Variants in NAALADL2 observed in about 807,000 individuals in gnomAD.
NAALADL2 encodes the protein inactive N-acetylated-alpha-linked acidic dipeptidase-like protein 2.
NAALADL2 carries 76 observed loss-of-function variants against 87.2 expected under a neutral mutation model. That is an observed-to-expected ratio of 0.87 (90% CI 0.72 to 1.05). The LOEUF (loss-of-function observed/expected upper bound fraction) is 1.05, where lower values mean the gene tolerates loss of function less well. NAALADL2 is among the 50% of genes least tolerant of loss of function. The pLI is 0.00. For synonymous variants in NAALADL2, 354 were observed against 331.0 expected, an observed-to-expected ratio of 1.07 and a Z score of -0.75; for missense variants, 1,089 against 945.8, an observed-to-expected ratio of 1.15 and a Z score of -1.99.
At chr3:174,635,863 C>T (rs574320034) in intron 2 of NAALADL2, among the ~76,000 whole-genome samples, 62 of 152,086 alleles carry the variant, frequency 4.1e-4, no homozygotes, top group Non-Finnish European at 7.5e-4. Flanking sequence ...TTTAGGAAGT[C>T]TTTACCTATT....
chr3:174,641,902 A>G (rs1723229797), intron 2 of NAALADL2, among the ~76,000 whole-genome samples: 1 of 152,108 alleles, frequency 6.6e-6, no homozygotes, highest in South Asian at 2.1e-4. Flanking sequence ...GACCACAAGC[A>G]TGGGCCACTA....
chr3:175,135,793 A>G (rs1244145470), intron 2 of NAALADL2, among the ~76,000 whole-genome samples: 3 of 152,212 alleles, frequency 2.0e-5, no homozygotes, highest in Non-Finnish European at 4.4e-5. Flanking sequence ...TAAAATAAGT[A>G]TGTATTTAAG....
At chr3:175,261,580 T>A (rs1057066702) in intron 4 of NAALADL2, among the ~76,000 whole-genome samples, 7 of 152,140 alleles carry the variant, frequency 4.6e-5, no homozygotes, top group Admixed American at 6.5e-5. Context: ...TGCTTTTTTT[T>A]ATAAATGCAG....
chr3:175,415,893 T>C (rs1420123752), intron 5 of NAALADL2, among the ~76,000 whole-genome samples: 2 of 150,944 alleles, frequency 1.3e-5, no homozygotes, highest in Non-Finnish European at 2.9e-5. Flanking sequence ...ATGGGAGGAT[T>C]GCTTGAGCCC....
At chr3:175,076,996 T>G (rs1199972568) in intron 1 of NAALADL2, among the ~76,000 whole-genome samples, 1 of 152,186 alleles carries the variant, frequency 6.6e-6, no homozygotes, top group Non-Finnish European at 1.5e-5. Context: ...TTAAGTGCAG[T>G]GACTTAGACT....
rs1767935796 is a variant in NAALADL2, at chr3:175,382,756, C to G, written c.1090+58431C>G. 2.0e-5 allele frequency among the ~76,000 whole-genome samples: 3 copies of G among 151,452 alleles called. No individual in the cohort carries two copies. The South Asian group carries it at 6.2e-4, about 32-fold the overall frequency. Reference sequence around the variant, plus strand: ...ATTATCTGTCCTTTGTATTATAGCCCTCTAGGGAGAGATAATTTAAGAAGT... The same window carrying G: ...ATTATCTGTCCTTTGTATTATAGCCGTCTAGGGAGAGATAATTTAAGAAGT... On this transcript the variant is annotated intron_variant, in intron 5 of 13. Transcript: ENST00000454872.
At chr3:175,338,017 C>A (rs1156336635) in intron 5 of NAALADL2, among the ~76,000 whole-genome samples, 1 of 152,018 alleles carries the variant, frequency 6.6e-6, no homozygotes. Flanking sequence ...CTTCACAGAA[C>A]AAACTGAACT....
chr3:175,406,710 C>T (rs113388324), intron 5 of NAALADL2, among the ~76,000 whole-genome samples: 60 of 152,130 alleles, frequency 3.9e-4, no homozygotes, highest in Middle Eastern at 3.4e-3. Flanking sequence ...TCAAACCTTT[C>T]CTTGTGTGCC....
chr3:174,455,225 A>G (rs1317773465), intron 1 of NAALADL2, among the ~76,000 whole-genome samples: 1 of 152,130 alleles, frequency 6.6e-6, no homozygotes, highest in Non-Finnish European at 1.5e-5. Flanking sequence ...CTGAAAGTGT[A>G]TCAGTAATAA....
intron 1 of NAALADL2, among the ~76,000 whole-genome samples, chr3:174,994,881 A>G (rs73881588): frequency 0.044 from 6,648 of 152,242 alleles, 483 homozygotes; most frequent in African/African-American, 0.15. Flanking sequence ...AAGTTGGTCA[A>G]CTGCTCTCTT....
At chr3:175,442,911 T>A (rs993039541) in intron 5 of NAALADL2, among the ~76,000 whole-genome samples, 9 of 152,224 alleles carry the variant, frequency 5.9e-5, no homozygotes, top group African/African-American at 2.2e-4. Context: ...TCGAGGCACA[T>A]AATCCATTTA....
intron 3 of NAALADL2, among the ~76,000 whole-genome samples, chr3:174,793,815 T>TC (rs1163671606): frequency 3.9e-5 from 6 of 152,032 alleles, no homozygotes; most frequent in Non-Finnish European, 8.8e-5. Flanking sequence ...TTCTTTTTTT[T>TC]TTTTCTTTTC....
At chr3:175,006,012 T>TA (rs1292955986) in intron 1 of NAALADL2, among the ~76,000 whole-genome samples, 1 of 152,218 alleles carries the variant, frequency 6.6e-6, no homozygotes, top group Non-Finnish European at 1.5e-5. Flanking sequence ...ATGTGCGCGG[T>TA]AACAGCCTTA....
chr3:174,938,478 A>G (rs147323870), intron 1 of NAALADL2, among the ~76,000 whole-genome samples: 22 of 152,232 alleles, frequency 1.4e-4, no homozygotes, highest in Non-Finnish European at 2.1e-4. Context: ...TAGTGCTGCA[A>G]TGAACATTCG....
chr3:175,623,640 C>T (rs553568256), intron 10 of NAALADL2, among the ~76,000 whole-genome samples: 6 of 151,996 alleles, frequency 3.9e-5, no homozygotes, highest in Non-Finnish European at 7.4e-5. Flanking sequence ...AGGAGGTGGT[C>T]ATGTGAAGAA....
At chr3:174,671,924 C>G (rs1726573705) in intron 2 of NAALADL2, among the ~76,000 whole-genome samples, 2 of 96,870 alleles carry the variant, frequency 2.1e-5, no homozygotes, top group Non-Finnish European at 4.7e-5. Flanking sequence ...TAAATGTTAA[C>G]TACTGTGATG....
At chr3:174,692,629 T>A (rs116114234) in intron 2 of NAALADL2, among the ~76,000 whole-genome samples, 1 of 152,150 alleles carries the variant, frequency 6.6e-6, no homozygotes, top group African/African-American at 2.4e-5. Flanking sequence ...ATACTAAGGG[T>A]ACCACCAAAA....
At chr3:174,808,423 T>C (rs1719752081) in intron 3 of NAALADL2, among the ~76,000 whole-genome samples, 1 of 152,118 alleles carries the variant, frequency 6.6e-6, no homozygotes. Context: ...CATTTTCTCA[T>C]GAACTTTGAA....
intron 5 of NAALADL2, among the ~76,000 whole-genome samples, chr3:175,368,256 G>C (rs1019869745): frequency 2.0e-5 from 3 of 152,132 alleles, no homozygotes; most frequent in Non-Finnish European, 1.5e-5. Flanking sequence ...GATTCGGGTT[G>C]CCAGTATTTT....
Sources: allele counts gnomAD v4.1 joint callset (sites outside exome capture counted in the v4.1 genomes callset), GRCh38; gene constraint gnomAD v4.1.1; transcripts MANE v1.5; gene names NCBI Gene and HGNC (gene_info 2026-07-23, HGNC 2026-07-21).